Variants in TSPAN7 observed in about 807,000 individuals in gnomAD.
TSPAN7 encodes the protein tetraspanin 7.
TSPAN7 carries 1 observed loss-of-function variant against 17.6 expected under a neutral mutation model. The ratio of observed to expected loss-of-function variants is 0.06; its 90% confidence interval spans 0.02 to 0.27. The LOEUF (loss-of-function observed/expected upper bound fraction) is 0.27, where lower values mean the gene tolerates loss of function less well. Among genes scored for constraint, TSPAN7 ranks in the 10% least tolerant of loss-of-function variants. The pLI is 1.00. For missense variants in TSPAN7, 112 were observed against 201.7 expected, an observed-to-expected ratio of 0.56 and a Z score of 2.69; for synonymous variants, 78 against 79.0, an observed-to-expected ratio of 0.99 and a Z score of 0.07.
chrX:38,681,790 A>G (rs1158305768), intron 6 of TSPAN7, among the ~76,000 whole-genome samples: 2 of 112,093 alleles, frequency 1.8e-5, no homozygotes, highest in African/African-American at 6.5e-5. Flanking sequence ...AGGTTTGACT[A>G]TTCTTATGTG....
chrX:38,582,196 A>C (rs2069231183), intron 1 of TSPAN7, among the ~76,000 whole-genome samples: 1 of 112,535 alleles, frequency 8.9e-6, no homozygotes, highest in Non-Finnish European at 1.9e-5. Context: ...GCATTGGAGA[A>C]AGTCTCGTTT....
At chrX:38,578,862 T>C (rs911470503) in intron 1 of TSPAN7, among the ~76,000 whole-genome samples, 7 of 111,583 alleles carry the variant, frequency 6.3e-5, no homozygotes, top group Non-Finnish European at 1.3e-4. Flanking sequence ...CATATACACA[T>C]ATGTATGGGT....
intron 1 of TSPAN7, among the ~76,000 whole-genome samples, chrX:38,583,635 G>T (rs764151994): frequency 8.9e-6 from 1 of 112,014 alleles, no homozygotes; most frequent in South Asian, 3.7e-4. Flanking sequence ...TGGTGTGGGA[G>T]CCTACTTGAT....
chrX:38,659,052 A>C (rs979068676), intron 1 of TSPAN7, among the ~76,000 whole-genome samples: 14 of 60,424 alleles, frequency 2.3e-4, no homozygotes, highest in African/African-American at 9.6e-4. Context: ...ACAGACGTAC[A>C]CATGTATACA....
At chrX:38,593,647 G>A (rs932503532) in intron 1 of TSPAN7, among the ~76,000 whole-genome samples, 3 of 111,790 alleles carry the variant, frequency 2.7e-5, no homozygotes, top group African/African-American at 6.5e-5. Context: ...TGCAAGAATG[G>A]GTTTGTTATT....
At chrX:38,647,518 G>T (rs1309083378) in intron 1 of TSPAN7, among the ~76,000 whole-genome samples, 1 of 112,203 alleles carries the variant, frequency 8.9e-6, no homozygotes, top group Non-Finnish European at 1.9e-5. Flanking sequence ...TATTGAGTGT[G>T]TACTAAATTT....
At chrX:38,579,729 A>T (rs1480202587) in intron 1 of TSPAN7, among the ~76,000 whole-genome samples, 1 of 111,540 alleles carries the variant, frequency 9.0e-6, no homozygotes, top group East Asian at 2.8e-4. Context: ...AGAGAACGAT[A>T]TGATAATTTT....
chrX:38,616,595 CT>C (rs2069457379), intron 1 of TSPAN7, among the ~76,000 whole-genome samples: 1 of 112,035 alleles, frequency 8.9e-6, no homozygotes, highest in South Asian at 3.8e-4. Context: ...TGGCTTCAGG[CT>C]GCTAAAAGCC....
intron 1 of TSPAN7, among the ~76,000 whole-genome samples, chrX:38,593,584 G>T (rs2069303859): frequency 8.9e-6 from 1 of 112,484 alleles, no homozygotes; most frequent in Admixed American, 9.4e-5. Flanking sequence ...GGACCCTTAA[G>T]AGGTGATTAG....
chrX:38,670,320 C>G (rs189127634), intron 2 of TSPAN7, among the ~76,000 whole-genome samples: 19 of 111,791 alleles, frequency 1.7e-4, no homozygotes, highest in African/African-American at 5.8e-4. Context: ...GGAATCAATT[C>G]TTGTTTTTAT....
At chrX:38,672,703 T>C (rs752769624) in intron 3 of TSPAN7, among the ~76,000 whole-genome samples, 7 of 110,882 alleles carry the variant, frequency 6.3e-5, no homozygotes. Context: ...CTCTTAATGG[T>C]GCTTGCTGCC....
intron 1 of TSPAN7, chrX:38,563,019 C>T: frequency 1.0e-6 from 1 of 970,842 alleles, no homozygotes; most frequent in Non-Finnish European, 1.3e-6. Flanking sequence ...AGCTAGATGG[C>T]AAACCGGACT....
intron 1 of TSPAN7, among the ~76,000 whole-genome samples, chrX:38,567,276 C>T (rs934458196): frequency 2.7e-5 from 3 of 112,436 alleles, no homozygotes; most frequent in Admixed American, 9.4e-5. Flanking sequence ...AATTGACTCA[C>T]AGTTCCACAT....
rs748922281 is a variant in TSPAN7 at position 38,659,823 on chromosome X, C to CTT, written c.82-6278_82-6277dup. 3.2e-3 allele frequency among the ~76,000 whole-genome samples: 197 copies of CTT among 61,582 alleles called. 2 individuals are homozygous for CTT. The highest frequency in any genetic ancestry group is 4.9e-3 in the Non-Finnish European group (169 of 34,216). The allele number at this position is 61,582 out of a possible 115,157, so 53.5% of individuals were successfully genotyped here. A position where few individuals can be genotyped will look rare whatever the true frequency, so the allele number is the denominator to read the frequency against. On this transcript the variant is annotated intron_variant, in intron 1 of 7. Transcript: ENST00000378482. ...ACATTCTTTTTTTCTTTTTCTTTTT[C>CTT]TTTTTTTTTTTTTTTTTTTTTGAGA...
chrX:38,642,631 G>A (rs1361735666), intron 1 of TSPAN7, among the ~76,000 whole-genome samples: 1 of 112,055 alleles, frequency 8.9e-6, no homozygotes, highest in East Asian at 2.8e-4. Context: ...CTGAGAAGGT[G>A]CACATGTAAA....
At chrX:38,578,860 CAT>C (rs777450197) in intron 1 of TSPAN7, among the ~76,000 whole-genome samples, 3 of 111,024 alleles carry the variant, frequency 2.7e-5, no homozygotes, top group Admixed American at 1.9e-4. Context: ...TACATATACA[CAT>C]ATGTATGGGT....
At chrX:38,661,131 G>A (rs1473872613) in intron 1 of TSPAN7, among the ~76,000 whole-genome samples, 1 of 111,991 alleles carries the variant, frequency 8.9e-6, no homozygotes, top group Non-Finnish European at 1.9e-5. Context: ...GATCCACAGA[G>A]AGACTTATCA....
intron 1 of TSPAN7, among the ~76,000 whole-genome samples, chrX:38,630,196 T>C (rs990849369): frequency 4.5e-5 from 5 of 112,242 alleles, no homozygotes; most frequent in African/African-American, 1.6e-4. Flanking sequence ...CTTCATGTAG[T>C]CTAAAAAGTG....
At chrX:38,676,326 G>A (rs2069853681) in intron 5 of TSPAN7, among the ~76,000 whole-genome samples, 1 of 111,165 alleles carries the variant, frequency 9.0e-6, no homozygotes, top group Non-Finnish European at 1.9e-5. Flanking sequence ...ACTGCCATAG[G>A]AAAAGAAATC....
Sources: allele counts gnomAD v4.1 joint callset (sites outside exome capture counted in the v4.1 genomes callset), GRCh38; gene constraint gnomAD v4.1.1; transcripts MANE v1.5; gene names NCBI Gene and HGNC (gene_info 2026-07-23, HGNC 2026-07-21).